Variants in TENM4 observed in about 807,000 individuals in gnomAD.
The protein encoded by TENM4 is teneurin-4.
Under a neutral mutation model 243.3 loss-of-function variants are expected in TENM4, and 82 were observed. The observed-to-expected ratio is 0.34, with a 90% CI of 0.28 to 0.40. The LOEUF (loss-of-function observed/expected upper bound fraction) is 0.40, where lower values mean the gene tolerates loss of function less well. Among genes scored for constraint, TENM4 ranks in the 10% least tolerant of loss-of-function variants. The pLI, the probability that TENM4 is intolerant of heterozygous loss-of-function variation, is 1.00. For missense variants in TENM4, 3,138 were observed against 3,673.3 expected, an observed-to-expected ratio of 0.85 and a Z score of 3.77; for synonymous variants, 1,412 against 1,456.3, an observed-to-expected ratio of 0.97 and a Z score of 0.69.
intron 1 of TENM4, among the ~76,000 whole-genome samples, chr11:79,388,752 G>T (rs1394164685): frequency 6.6e-6 from 1 of 152,218 alleles, no homozygotes; most frequent in Non-Finnish European, 1.5e-5. Flanking sequence ...AGGGTTCCAA[G>T]AGGTAAATGA....
intron 6 of TENM4, among the ~76,000 whole-genome samples, chr11:78,935,910 C>T (rs960209228): frequency 3.3e-5 from 5 of 152,114 alleles, no homozygotes; most frequent in Non-Finnish European, 5.9e-5. Flanking sequence ...ACCCAGTGTC[C>T]CTGAGCTAGC....
intron 2 of TENM4, among the ~76,000 whole-genome samples, chr11:79,218,992 C>G (rs956240267): frequency 1.3e-5 from 2 of 152,052 alleles, no homozygotes; most frequent in Non-Finnish European, 2.9e-5. Context: ...CATAGGCTGG[C>G]AAGAAAAACA....
chr11:79,342,111 G>T (rs1240506784), intron 1 of TENM4, among the ~76,000 whole-genome samples: 1 of 152,176 alleles, frequency 6.6e-6, no homozygotes, highest in Non-Finnish European at 1.5e-5. Context: ...AGGACACTGA[G>T]ACCCCACAGG....
At chr11:79,094,121 G>C (rs1459569855) in intron 4 of TENM4, among the ~76,000 whole-genome samples, 1 of 152,156 alleles carries the variant, frequency 6.6e-6, no homozygotes, top group East Asian at 1.9e-4. Flanking sequence ...TCAGAAGCTT[G>C]AGATAATCAG....
At chr11:79,246,689 T>C (rs1217221849) in intron 2 of TENM4, among the ~76,000 whole-genome samples, 3 of 152,072 alleles carry the variant, frequency 2.0e-5, no homozygotes, top group Non-Finnish European at 4.4e-5. Flanking sequence ...ATTCTATTTG[T>C]ATGAAAAATG....
chr11:78,824,353 G>T (rs1857803113), intron 12 of TENM4, among the ~76,000 whole-genome samples: 1 of 152,060 alleles, frequency 6.6e-6, no homozygotes, highest in African/African-American at 2.4e-5. Flanking sequence ...AGCGAGTGGG[G>T]GTAGGTGCTA....
At chr11:79,435,277 C>A (rs906165013) in intron 1 of TENM4, among the ~76,000 whole-genome samples, 2 of 152,138 alleles carry the variant, frequency 1.3e-5, no homozygotes, top group Admixed American at 6.5e-5. Flanking sequence ...AAGCAATAGG[C>A]ACATATATCT....
intron 15 of TENM4, among the ~76,000 whole-genome samples, chr11:78,787,735 T>C (rs145870220): frequency 1.3e-5 from 2 of 152,232 alleles, no homozygotes; most frequent in Non-Finnish European, 2.9e-5. Flanking sequence ...TCACCCCAAC[T>C]CCAAGAACCA....
chr11:78,705,009 G>GGCCGCTGCCGGCCAGT (rs1555067774), intron 27 of TENM4, among the ~76,000 whole-genome samples: 2 of 152,216 alleles, frequency 1.3e-5, no homozygotes, highest in African/African-American at 4.8e-5. Context: ...AACTCGCCAG[G>GGCCGCTGCCGGCCAGT]GCCGCTGCCG....
chr11:78,661,477 A>C lies in TENM4; in HGVS notation c.7523T>G (p.Met2508Arg). 1 of 1,610,822 alleles carries C rather than the reference A, an allele frequency of 6.2e-7. No individual in the cohort carries two copies. Among genetic ancestry groups the C allele is most frequent in the South Asian group, 1.1e-5 (1 of 90,008 alleles). The change falls in exon 33 of 34, where the codon ATG becomes AGG. Residue 2508 changes from methionine (M) to arginine (R), a missense_variant. Transcript: ENST00000278550. ...GCTGTTGTCCCACTCCTGCGTTTTC[A>C]TCTGTGTGTGGATGAGCTCGTAGGA... Reference protein sequence around the residue: ...EPSYELIHTQMKTQEWDNSKS... With the variant: ...EPSYELIHTQRKTQEWDNSKS...
intron 18 of TENM4, among the ~76,000 whole-genome samples, chr11:78,769,007 C>A (rs866591878): frequency 6.6e-6 from 1 of 152,210 alleles, no homozygotes; most frequent in Non-Finnish European, 1.5e-5. Flanking sequence ...GAGAGAGGTA[C>A]GCCCTTTCCC....
At chr11:78,700,375 A>AATGG (rs1210537980) in intron 28 of TENM4, among the ~76,000 whole-genome samples, 4 of 152,166 alleles carry the variant, frequency 2.6e-5, no homozygotes, top group African/African-American at 7.2e-5. Context: ...ATGTCTGTAA[A>AATGG]ATGGATAATA....
At chr11:79,231,156 T>C (rs1407917040) in intron 2 of TENM4, among the ~76,000 whole-genome samples, 1 of 152,196 alleles carries the variant, frequency 6.6e-6, no homozygotes, top group Non-Finnish European at 1.5e-5. Flanking sequence ...AAAATATTTG[T>C]AGCATGGAAG....
rs573187701 is a variant in TENM4, at chr11:79,261,067, A to G, written c.-265+36421T>C. ...GGCCATAATTGAGTGACAATTTGCC[A>G]TGAGGCACAGGGGGCAGTATTCCTA... On this transcript the variant is annotated intron_variant, in intron 2 of 33. Transcript: ENST00000278550. Among the ~76,000 whole-genome samples the G allele has an allele frequency of 9.6e-4, 147 of 152,360 alleles. 1 individual carries two copies. Among genetic ancestry groups the G allele is most frequent in the Admixed American group, 5.8e-3 (89 of 15,300 alleles).
At chr11:78,730,889 G>A (rs964429056) in intron 21 of TENM4, among the ~76,000 whole-genome samples, 4 of 152,198 alleles carry the variant, frequency 2.6e-5, no homozygotes, top group African/African-American at 9.7e-5. Context: ...TTATAAGTTT[G>A]AGGCAAAGCA....
intron 4 of TENM4, among the ~76,000 whole-genome samples, chr11:79,111,068 G>A (rs1199000713): frequency 1.3e-5 from 2 of 152,122 alleles, no homozygotes; most frequent in Non-Finnish European, 2.9e-5. Context: ...GAATCATGGG[G>A]GTGGATTCCC....
intron 12 of TENM4, among the ~76,000 whole-genome samples, chr11:78,816,531 T>C (rs749416307): frequency 3.0e-4 from 45 of 152,188 alleles, no homozygotes; most frequent in Admixed American, 2.3e-3. Flanking sequence ...ATTTGTAGGA[T>C]AGAGAATTCT....
chr11:78,814,261 C>T (rs766145253), intron 13 of TENM4, 33 bp downstream of exon 13: 4 of 1,543,530 alleles, frequency 2.6e-6, no homozygotes, highest in East Asian at 2.5e-5. Context: ...GTCTGGGAAG[C>T]AGAAATCCAG....
intron 9 of TENM4, among the ~76,000 whole-genome samples, chr11:78,871,826 A>G (rs978064714): frequency 3.9e-5 from 6 of 152,158 alleles, no homozygotes; most frequent in Non-Finnish European, 8.8e-5. Context: ...CTGCCCCCCC[A>G]GAACCTGGTC....
Sources: gnomAD v4.1 joint callset for allele counts (sites outside exome capture counted in the v4.1 genomes callset) on GRCh38, gnomAD v4.1.1 for gene constraint, MANE v1.5 for transcripts, NCBI Gene and HGNC (gene_info 2026-07-23, HGNC 2026-07-21) for gene names.